Variants in COPG2 observed in about 807,000 individuals in gnomAD.
COPG2 encodes coatomer subunit gamma-2.
Under a neutral mutation model 46.3 loss-of-function variants are expected in COPG2, and 37 were observed. The observed-to-expected ratio is 0.80, with a 90% confidence interval of 0.61 to 1.05. The LOEUF is 1.05. COPG2 is among the 50% of genes least tolerant of loss of function. The pLI is 0.00. For missense variants in COPG2, 427 were observed against 387.8 expected, an observed-to-expected ratio of 1.10 and a Z score of -0.85; for synonymous variants, 159 against 129.7, an observed-to-expected ratio of 1.23 and a Z score of -1.53.
At chr7:130,566,290 G>C (rs1372111199) in intron 9 of COPG2, among the ~76,000 whole-genome samples, 1 of 152,132 alleles carries the variant, frequency 6.6e-6, no homozygotes. Context: ...GTACCAGTCA[G>C]AATAGCTATT....
chr7:130,507,693 GT>G lies in COPG2; in HGVS notation c.2377del (p.Thr793ProfsTer47). 2 of 780,326 alleles carry G rather than the reference GT, an allele frequency of 2.6e-6. No homozygotes were observed. 48.3% of individuals were successfully genotyped at this position (780,326 alleles called of 1,614,324 possible). Reference protein sequence around the residue: ...EETFALSSTKTLEEAVNNIIT... With the variant: ...EETFALSSTKXLEEAVNNIIT... ...AGCAAAATGGGTCTCACCTTCAAGG[GT>G]TTTGGTAGAACTGAGGGCAAAGGTT... On this transcript the variant is annotated frameshift_variant, in exon 22 of 24. Transcript: ENST00000425248. LOFTEE classifies it high-confidence loss of function.
chr7:130,640,088 C>T (rs1009997073), intron 5 of COPG2, among the ~76,000 whole-genome samples: 1 of 147,388 alleles, frequency 6.8e-6, no homozygotes, highest in African/African-American at 2.5e-5. Flanking sequence ...GGAAAGAAAA[C>T]AAGAAAAACA....
intron 9 of COPG2, among the ~76,000 whole-genome samples, chr7:130,601,277 C>T (rs1424201346): frequency 6.6e-6 from 1 of 152,126 alleles, no homozygotes; most frequent in East Asian, 1.9e-4. Flanking sequence ...GGATTTAAAC[C>T]AGAAATACCA....
chr7:130,594,093 A>G (rs1794481063), intron 9 of COPG2, among the ~76,000 whole-genome samples: 1 of 152,240 alleles, frequency 6.6e-6, no homozygotes, highest in African/African-American at 2.4e-5. Context: ...ATGGGAACAA[A>G]GCAGAAAACC....
Position 130,599,127 on chromosome 7 carries a change from G to C in COPG2, c.737+11826C>G, listed in dbSNP as rs147695250. ...CCTAAATCAGCAGGAAGCAGATATA[G>C]AAAACTGTCCTCCTCCCTCATCAAC... is the stretch of plus-strand genomic sequence containing the variant. On this transcript the variant is annotated intron_variant, in intron 9 of 23. Transcript: ENST00000425248. Among the ~76,000 whole-genome samples, 1,233 of 152,282 alleles carry C rather than the reference G, an allele frequency of 8.1e-3. 14 individuals are homozygous for C. Among genetic ancestry groups the C allele is most frequent in the Admixed American group, 0.016 (244 of 15,284 alleles).
At position 130,550,066 on chromosome 7, in the gene COPG2, GT is replaced by G. The variant is rs1186562696; in HGVS notation, c.1774+457del. On this transcript the variant is annotated intron_variant, in intron 17 of 23. Coordinates refer to ENST00000425248, the MANE Select transcript of COPG2 (RefSeq NM_012133.6). ...TACTGCTTTTATGTAAAAACCAGGA[GT>G]TTTTTTTAAACTCTAATAAAAATAT... Among the ~76,000 whole-genome samples the G allele has an allele frequency of 8.5e-5, 13 of 152,092 alleles. No homozygotes were observed. In the East Asian group the frequency reaches 2.3e-3, roughly 27 times the overall value.
intron 9 of COPG2, chr7:130,605,228 C>T (rs782734453): frequency 9.6e-6 from 5 of 520,168 alleles, no homozygotes; most frequent in South Asian, 5.6e-5. Context: ...ACTCTCTCAT[C>T]AGCCATCTCT....
intron 5 of COPG2, among the ~76,000 whole-genome samples, chr7:130,639,981 T>C (rs1795431419): frequency 6.6e-6 from 1 of 152,094 alleles, no homozygotes; most frequent in Non-Finnish European, 1.5e-5. Flanking sequence ...CCGTCCCTTT[T>C]CTCAGTGGTA....
At chr7:130,525,636 G>A (rs1799766154) in intron 20 of COPG2, among the ~76,000 whole-genome samples, 1 of 152,194 alleles carries the variant, frequency 6.6e-6, no homozygotes, top group South Asian at 2.1e-4. Context: ...AAAGGATAGA[G>A]ATATAGCTTA....
intron 4 of COPG2, among the ~76,000 whole-genome samples, chr7:130,657,259 A>G (rs1795876313): frequency 6.6e-6 from 1 of 152,040 alleles, no homozygotes; most frequent in African/African-American, 2.4e-5. Flanking sequence ...TTCCATATGG[A>G]TATTCAATTG....
At chr7:130,626,442 G>T (rs1795121527) in intron 5 of COPG2, among the ~76,000 whole-genome samples, 1 of 142,666 alleles carries the variant, frequency 7.0e-6, no homozygotes, top group Admixed American at 7.3e-5. Flanking sequence ...GTAGAGACAG[G>T]ATTTCACTTT....
chr7:130,574,098 G>A (rs1280663657), intron 9 of COPG2, among the ~76,000 whole-genome samples: 3 of 151,988 alleles, frequency 2.0e-5, no homozygotes, highest in Non-Finnish European at 2.9e-5. Flanking sequence ...AAAAACAAGT[G>A]CCCATCAACT....
intron 9 of COPG2, among the ~76,000 whole-genome samples, chr7:130,597,900 C>A (rs1307750414): frequency 2.0e-5 from 3 of 152,068 alleles, no homozygotes; most frequent in African/African-American, 7.2e-5. Context: ...ATCCCAAATG[C>A]CTATTACTCA....
intron 17 of COPG2, 116 bp from the exon 18 acceptor site, chr7:130,549,492 T>G: frequency 2.5e-6 from 1 of 396,720 alleles, no homozygotes; most frequent in Non-Finnish European, 4.4e-6. Flanking sequence ...GAGCTATTAC[T>G]AGATCATACT....
intron 20 of COPG2, among the ~76,000 whole-genome samples, chr7:130,545,343 A>G (rs1476667024): frequency 3.3e-5 from 5 of 152,168 alleles, no homozygotes; most frequent in African/African-American, 4.8e-5. Context: ...TTCAAGTTGA[A>G]GGAAATCAAA....
intron 5 of COPG2, among the ~76,000 whole-genome samples, chr7:130,638,448 G>C (rs941723214): frequency 6.6e-6 from 1 of 152,116 alleles, no homozygotes; most frequent in Admixed American, 6.5e-5. Context: ...CTAGAGAGGC[G>C]GTCTGGCTAC....
intron 5 of COPG2, among the ~76,000 whole-genome samples, chr7:130,636,064 G>A (rs1795330574): frequency 6.6e-6 from 1 of 152,160 alleles, no homozygotes; most frequent in South Asian, 2.1e-4. Flanking sequence ...CATGGTCTGA[G>A]CAACTGTTTC....
At chr7:130,616,384 C>T (rs1445934289) in intron 6 of COPG2, among the ~76,000 whole-genome samples, 1 of 151,970 alleles carries the variant, frequency 6.6e-6, no homozygotes. Context: ...AACTTGAGTT[C>T]AGCTCACACA....
At chr7:130,551,541 C>T (rs1343821862) in intron 15 of COPG2, among the ~76,000 whole-genome samples, 197 bp from the exon 16 acceptor site, 5 of 152,228 alleles carry the variant, frequency 3.3e-5, no homozygotes, top group African/African-American at 1.2e-4. Context: ...AATACTGCTA[C>T]TGTGAATCAC....
Sources: gnomAD v4.1 joint callset for allele counts (sites outside exome capture counted in the v4.1 genomes callset) on GRCh38, gnomAD v4.1.1 for gene constraint, MANE v1.5 for transcripts, NCBI Gene and HGNC (gene_info 2026-07-23, HGNC 2026-07-21) for gene names.